Variants in ADAM10 observed in about 807,000 individuals in gnomAD.
The protein encoded by ADAM10 is disintegrin and metalloproteinase domain-containing protein 10.
In ADAM10, 17 loss-of-function variants were observed where a neutral mutation model predicts 90.1. The ratio of observed to expected loss-of-function variants is 0.19; its 90% confidence interval spans 0.13 to 0.28. ADAM10 has a LOEUF of 0.28. Ranked by LOEUF, ADAM10 falls within the 10% of genes least tolerant of loss-of-function variation. The pLI is 1.00. For missense variants in ADAM10, 610 were observed against 914.3 expected, an observed-to-expected ratio of 0.67 and a Z score of 4.29; for synonymous variants, 310 against 298.6, an observed-to-expected ratio of 1.04 and a Z score of -0.40.
At chr15:58,715,396 C>G (rs1898624026) in intron 2 of ADAM10, among the ~76,000 whole-genome samples, 1 of 143,574 alleles carries the variant, frequency 7.0e-6, no homozygotes, top group Non-Finnish European at 1.5e-5. Context: ...GCCCAGGCAA[C>G]AGAGCAAGAC....
chr15:58,610,914 G>A (rs1895421465), intron 13 of ADAM10, 85 bp downstream of exon 13: 1 of 1,026,596 alleles, frequency 9.7e-7, no homozygotes, highest in Non-Finnish European at 1.5e-6. Flanking sequence ...TGGCCAAACT[G>A]TAGGTCAAAG....
chr15:58,648,044 ATGAAAAAT>A (rs1342746780), intron 5 of ADAM10, among the ~76,000 whole-genome samples: 4 of 152,346 alleles, frequency 2.6e-5, no homozygotes, highest in South Asian at 2.1e-4. Flanking sequence ...CATACACAAA[ATGAAAAAT>A]TTGTATTATA....
At chr15:58,735,759 C>T (rs1899411208) in intron 1 of ADAM10, among the ~76,000 whole-genome samples, 1 of 152,088 alleles carries the variant, frequency 6.6e-6, no homozygotes, top group African/African-American at 2.4e-5. Flanking sequence ...TACTAATCTG[C>T]CTTTTAAAAA....
At chr15:58,742,908 A>C (rs1352958599) in intron 1 of ADAM10, among the ~76,000 whole-genome samples, 2 of 152,088 alleles carry the variant, frequency 1.3e-5, no homozygotes, top group African/African-American at 2.4e-5. Context: ...AAAATCAAAA[A>C]ATTAACCAGG....
At chr15:58,658,550 T>C (rs182446474) in intron 5 of ADAM10, among the ~76,000 whole-genome samples, 105 of 152,318 alleles carry the variant, frequency 6.9e-4, no homozygotes, top group Non-Finnish European at 9.9e-4. Context: ...ACTGGAAGTC[T>C]TGATACTGAC....
intron 1 of ADAM10, chr15:58,747,380 C>T (rs1000670397): frequency 1.3e-5 from 2 of 152,162 alleles, no homozygotes; most frequent in African/African-American, 4.8e-5. Context: ...GATTTATTAA[C>T]TACCTGAAAA....
intron 1 of ADAM10, 22 bp from the exon 2 acceptor site, chr15:58,717,749 C>T: frequency 6.2e-7 from 1 of 1,604,414 alleles, no homozygotes; most frequent in Non-Finnish European, 8.5e-7. Context: ...AAACAACATT[C>T]TGAATTAGTA....
chr15:58,677,311 TTACTTAAACA>T (rs1191175965), intron 4 of ADAM10, among the ~76,000 whole-genome samples: 2 of 152,070 alleles, frequency 1.3e-5, no homozygotes, highest in Non-Finnish European at 2.9e-5. Context: ...AAACATATAT[TTACTTAAACA>T]AGTATAAAAT....
chr15:58,713,727 G>T (rs8028872), intron 2 of ADAM10, among the ~76,000 whole-genome samples: 5 of 151,938 alleles, frequency 3.3e-5, no homozygotes, highest in African/African-American at 1.2e-4. Flanking sequence ...TTTCCTTAAC[G>T]ACTATGGCAC....
chr15:58,696,134 T>C (rs955122080), intron 2 of ADAM10, among the ~76,000 whole-genome samples: 1 of 150,710 alleles, frequency 6.6e-6, no homozygotes, highest in Non-Finnish European at 1.5e-5. Context: ...AAAATAAAAA[T>C]ACAAAAATTA....
rs908583476 is a variant in ADAM10 at position 58,589,716 on chromosome 15, G to A, written c.*7831C>T. 1 of 152,196 alleles carries A rather than the reference G, an allele frequency of 6.6e-6. No individual in the cohort carries two copies. Among genetic ancestry groups the A allele is most frequent in the Non-Finnish European group, 1.5e-5 (1 of 68,052 alleles). 9.4% of individuals were successfully genotyped at this position (152,196 alleles called of 1,614,324 possible). A position where few individuals can be genotyped will look rare whatever the true frequency, so the allele number is the denominator to read the frequency against. On this transcript the variant is annotated 3_prime_UTR_variant, in exon 16 of 16. Coordinates refer to ENST00000260408, the MANE Select transcript of ADAM10 (RefSeq NM_001110.4). Reference sequence around the variant, plus strand: ...TATTGTAATATGGTGTGTGCTATGAGAGAAAGATGTATAAAATTCCAGGGC... The same window carrying A: ...TATTGTAATATGGTGTGTGCTATGAAAGAAAGATGTATAAAATTCCAGGGC...
At chr15:58,725,372 A>C (rs1399583052) in intron 1 of ADAM10, among the ~76,000 whole-genome samples, 3 of 149,958 alleles carry the variant, frequency 2.0e-5, no homozygotes, top group African/African-American at 4.9e-5. Context: ...CTCTACCAAA[A>C]AAAAAAAAAA....
chr15:58,748,307 G>A (rs1567023546), intron 1 of ADAM10: 1 of 152,168 alleles, frequency 6.6e-6, no homozygotes, highest in East Asian at 1.9e-4. Flanking sequence ...TACATTACAT[G>A]AAATAGATAT....
At chr15:58,715,927 TTAA>T (rs1397659085) in intron 2 of ADAM10, among the ~76,000 whole-genome samples, 1 of 152,184 alleles carries the variant, frequency 6.6e-6, no homozygotes, top group Non-Finnish European at 1.5e-5. Context: ...ATTAATATAA[TTAA>T]TAATACTAAG....
At chr15:58,598,353 CT>C (rs1895013114) in intron 15 of ADAM10, among the ~76,000 whole-genome samples, 1 of 152,158 alleles carries the variant, frequency 6.6e-6, no homozygotes, top group Non-Finnish European at 1.5e-5. Context: ...TTAGAACTTC[CT>C]TAAATACTAA....
At chr15:58,692,912 C>T in intron 2 of ADAM10, 1 of 698,510 alleles carries the variant, frequency 1.4e-6, no homozygotes, top group African/African-American at 1.8e-5. Flanking sequence ...ATGAGATCAG[C>T]CTTGGTCATG....
At chr15:58,707,739 G>A (rs1472068750) in intron 2 of ADAM10, among the ~76,000 whole-genome samples, 1 of 152,054 alleles carries the variant, frequency 6.6e-6, no homozygotes, top group Non-Finnish European at 1.5e-5. Flanking sequence ...TTCCAACCTC[G>A]CACAACTATG....
At chr15:58,646,804 C>T (rs1349561479) in intron 5 of ADAM10, among the ~76,000 whole-genome samples, 2 of 152,224 alleles carry the variant, frequency 1.3e-5, no homozygotes, top group Non-Finnish European at 1.5e-5. Context: ...ATATGCTCCC[C>T]TAAATATCAA....
chr15:58,700,580 ACTGCTT>A, intron 2 of ADAM10, among the ~76,000 whole-genome samples: 1 of 152,218 alleles, frequency 6.6e-6, no homozygotes, highest in Non-Finnish European at 1.5e-5. Flanking sequence ...CAACAAAAGC[ACTGCTT>A]ACAGGGAAAT....
Sources: allele counts gnomAD v4.1 joint callset (sites outside exome capture counted in the v4.1 genomes callset), GRCh38; gene constraint gnomAD v4.1.1; transcripts MANE v1.5; gene names NCBI Gene and HGNC (gene_info 2026-07-23, HGNC 2026-07-21).